GRPEL2: variants seen among roughly 807,000 people sequenced by gnomAD.
GRPEL2 encodes grpE protein homolog 2, mitochondrial.
GRPEL2 carries 18 observed loss-of-function variants against 25.9 expected under a neutral mutation model. That is an observed-to-expected ratio of 0.70 (90% CI 0.48 to 1.03). The LOEUF (loss-of-function observed/expected upper bound fraction) is 1.03, where lower values mean the gene tolerates loss of function less well. GRPEL2 is among the 50% of genes least tolerant of loss of function. GRPEL2 has a pLI of 0.00. For synonymous variants in GRPEL2, 106 were observed against 107.9 expected, an observed-to-expected ratio of 0.98 and a Z score of 0.11; for missense variants, 247 against 276.2, an observed-to-expected ratio of 0.89 and a Z score of 0.75.
intron 2 of GRPEL2, among the ~76,000 whole-genome samples, chr5:149,349,121 G>A (rs1367665908): frequency 1.3e-5 from 2 of 151,818 alleles, no homozygotes; most frequent in East Asian, 3.9e-4. Context: ...TCAGCCTCCC[G>A]AATAGCTGGG....
chr5:149,353,910 C>T lies in GRPEL2; in HGVS notation c.*2628C>T, dbSNP rs1641400468. 1 of 152,144 alleles carries T rather than the reference C, an allele frequency of 6.6e-6. No homozygotes were observed. The highest frequency in any genetic ancestry group is 1.5e-5 in the Non-Finnish European group (1 of 68,026). 9.4% of individuals were successfully genotyped at this position (152,144 alleles called of 1,614,324 possible). On this transcript the variant is annotated 3_prime_UTR_variant, in exon 4 of 4. Coordinates refer to ENST00000329271, the MANE Select transcript of GRPEL2 (RefSeq NM_152407.4). ...GCACCAGTGATTTCACCCTTCTGAGCCTGTTTCTTTATTCGTAAAATGATT... is the reference window on the plus strand; with the variant it reads ...GCACCAGTGATTTCACCCTTCTGAGTCTGTTTCTTTATTCGTAAAATGATT...
intron 2 of GRPEL2, 101 bp downstream of exon 2, chr5:149,348,526 G>A: frequency 1.0e-6 from 1 of 959,004 alleles, no homozygotes; most frequent in Non-Finnish European, 1.5e-6. Flanking sequence ...TCTTTAATTG[G>A]CTCTTTATCT....
At chr5:149,349,511 A>T in intron 2 of GRPEL2, 143 bp from the exon 3 acceptor site, 1 of 616,066 alleles carries the variant, frequency 1.6e-6, no homozygotes, top group Non-Finnish European at 2.8e-6. Flanking sequence ...GATTTGGAGT[A>T]GCTGATCTAA....
At chr5:149,350,892 A>G in intron 3 of GRPEL2, 26 bp from the exon 4 acceptor site, 1 of 1,607,282 alleles carries the variant, frequency 6.2e-7, no homozygotes, top group Non-Finnish European at 8.5e-7. Flanking sequence ...CCTCACAAAC[A>G]ATAAAAATAA....
rs1307172711 is a variant in GRPEL2 at position 149,352,219 on chromosome 5, A to G, written c.*937A>G. 6.6e-6 allele frequency: 1 copy of G among 152,058 alleles called. No homozygotes were observed. The highest frequency in any genetic ancestry group is 1.5e-5 in the Non-Finnish European group (1 of 68,010). 9.4% of individuals were successfully genotyped at this position (152,058 alleles called of 1,614,324 possible). On this transcript the variant is annotated 3_prime_UTR_variant, in exon 4 of 4. Transcript: ENST00000329271. ...CCATGATTTCTCATTTCATTTATTA[A>G]TAGTTAATGCTGAATTTTTTTTTAA...
intron 2 of GRPEL2, among the ~76,000 whole-genome samples, chr5:149,349,364 G>T (rs1757742194): frequency 6.6e-6 from 1 of 152,194 alleles, no homozygotes; most frequent in South Asian, 2.1e-4. Context: ...GAAGTTGGAG[G>T]TTGGCAGTGT....
intron 1 of GRPEL2, among the ~76,000 whole-genome samples, chr5:149,346,599 G>A (rs2438490): frequency 0.52 from 79,267 of 151,540 alleles, 21,386 homozygotes; most frequent in African/African-American, 0.66. Context: ...GTTCCTTCTG[G>A]TAAGCTGTCT....
rs1757771107 is a variant in GRPEL2, at chr5:149,351,272, GA to G, written c.670del (p.Arg224AspfsTer24). ...ARVEVAVESQ[R>X]RL is the part of the protein sequence containing the mutation. ...GTGGAAGTGGCAGTGGAGTCTCAGAGAAGACTGTGAAGAGGCCATCAGGAAC... is the reference window on the plus strand; with the variant it reads ...GTGGAAGTGGCAGTGGAGTCTCAGAGAGACTGTGAAGAGGCCATCAGGAAC... On this transcript the variant is annotated frameshift_variant, in exon 4 of 4. Coordinates refer to ENST00000329271, the MANE Select transcript of GRPEL2 (RefSeq NM_152407.4). LOFTEE classifies it high-confidence loss of function. The G allele has an allele frequency of 6.2e-7, 1 of 1,606,374 alleles. No homozygotes were observed. The highest frequency in any genetic ancestry group is 1.3e-5 in the African/African-American group (1 of 74,914).
At chr5:149,346,985 A>G (rs1195665154) in intron 1 of GRPEL2, among the ~76,000 whole-genome samples, 4 of 152,008 alleles carry the variant, frequency 2.6e-5, no homozygotes, top group African/African-American at 4.8e-5. Flanking sequence ...TCGGCCTCCC[A>G]AAGTGCTGGG....
intron 1 of GRPEL2, among the ~76,000 whole-genome samples, chr5:149,346,813 C>T (rs1220333853): frequency 7.3e-6 from 1 of 137,346 alleles, no homozygotes; most frequent in Non-Finnish European, 1.5e-5. Context: ...TCTCGGCTCA[C>T]TGCAAGCTCC....
chr5:149,348,925 G>A (rs759290859), intron 2 of GRPEL2, among the ~76,000 whole-genome samples: 4 of 151,936 alleles, frequency 2.6e-5, no homozygotes, highest in Non-Finnish European at 4.4e-5. Context: ...AAAGAACCAC[G>A]AATTGTCTTA....
At chr5:149,346,848 C>G (rs1757698758) in intron 1 of GRPEL2, among the ~76,000 whole-genome samples, 1 of 149,034 alleles carries the variant, frequency 6.7e-6, no homozygotes, top group African/African-American at 2.5e-5. Context: ...CGCCATTCTC[C>G]TGCCTCAGCC....
At chr5:149,350,063 G>A (rs1228995956) in intron 3 of GRPEL2, among the ~76,000 whole-genome samples, 1 of 151,966 alleles carries the variant, frequency 6.6e-6, no homozygotes, top group Non-Finnish European at 1.5e-5. Context: ...AATGAAAAAT[G>A]TCTTTGACTT....
rs1191721618 is a variant in GRPEL2, at chr5:149,353,078, AAGAC to A, written c.*1799_*1802del. 1 of 152,656 alleles carries A rather than the reference AAGAC, an allele frequency of 6.6e-6. No individual in the cohort carries two copies. Among genetic ancestry groups the A allele is most frequent in the Non-Finnish European group, 1.5e-5 (1 of 68,050 alleles). The allele number at this position is 152,656 out of a possible 1,614,324, so 9.5% of individuals were successfully genotyped here. The stretch of plus-strand genomic sequence containing the variant: ...CCTCTTATACATTATAGATAATTCT[AAGAC>A]AGCACACAAACTTATCAATAAAGCC... On this transcript the variant is annotated 3_prime_UTR_variant, in exon 4 of 4. Transcript: ENST00000329271.
At position 149,348,262 on chromosome 5, in the gene GRPEL2, C is replaced by T. The variant is rs761468153; in HGVS notation, c.78-10C>T. ...TTTCTTCATTATGTGCCACCTCCTT[C>T]CTGTTTTAGGGGATGGCCGCTTCCA... On this transcript the variant is annotated splice_polypyrimidine_tract_variant and intron_variant, in intron 1 of 3. Transcript: ENST00000329271. The T allele has an allele frequency of 1.3e-6, 2 of 1,582,412 alleles. No homozygotes were observed. Among genetic ancestry groups the T allele is most frequent in the Non-Finnish European group, 1.7e-6 (2 of 1,170,598 alleles).
Position 149,352,831 on chromosome 5 carries a change from A to G in GRPEL2, c.*1549A>G, listed in dbSNP as rs1383482966. On this transcript the variant is annotated 3_prime_UTR_variant, in exon 4 of 4. Coordinates refer to ENST00000329271, the MANE Select transcript of GRPEL2 (RefSeq NM_152407.4). Reference sequence around the variant, plus strand: ...CTATTGACTAAATTCCAGTGAGAGTATGAATGAAGAACAACTAGATATTAA... The same window carrying G: ...CTATTGACTAAATTCCAGTGAGAGTGTGAATGAAGAACAACTAGATATTAA... 1 of 152,240 alleles carries G rather than the reference A, an allele frequency of 6.6e-6. No individual in the cohort carries two copies. The highest frequency in any genetic ancestry group is 6.5e-5 in the Admixed American group (1 of 15,286). The allele number at this position is 152,240 out of a possible 1,614,324, so 9.4% of individuals were successfully genotyped here.
In GRPEL2 at chr5:149,348,332, T is replaced by C; in HGVS notation, c.138T>C (p.Ser46=). 1 of 1,613,336 alleles carries C rather than the reference T, an allele frequency of 6.2e-7. No homozygotes were observed. The highest frequency in any genetic ancestry group is 8.5e-7 in the Non-Finnish European group (1 of 1,179,884). Residue 46 remains serine, a synonymous_variant, in exon 2 of 4, where the codon TCT becomes TCC. Coordinates refer to ENST00000329271, the MANE Select transcript of GRPEL2 (RefSeq NM_152407.4). ...GAACTGCTGGTGAGGACTGCCGTTC[T>C]GAGGACCCTCCTGATGAGCTTGGGC... ...TQRTAGEDCR[S]EDPPDELGPP... is the part of the protein sequence containing the mutation.
At chr5:149,348,564 T>G (rs1201876121) in intron 2 of GRPEL2, 139 bp downstream of exon 2, 1 of 661,862 alleles carries the variant, frequency 1.5e-6, no homozygotes, top group Non-Finnish European at 2.5e-6. Flanking sequence ...CTCCACTCCT[T>G]GCTAGGTATA....
rs1362277741 is a variant in GRPEL2 at position 149,351,070 on chromosome 5, A to G, written c.466A>G (p.Ser156Gly). 3.1e-6 allele frequency: 5 copies of G among 1,614,240 alleles called. No homozygotes were observed. The highest frequency in any genetic ancestry group is 3.4e-6 in the Non-Finnish European group (4 of 1,180,042). Reference protein sequence around the residue: ...GLLLLEAKLKSVFAKHGLEKL... With the variant: ...GLLLLEAKLKGVFAKHGLEKL... ...GTTGCTTTTAGAAGCAAAGCTGAAAAGTGTGTTTGCCAAGCATGGCCTGGA... is the reference window on the plus strand; with the variant it reads ...GTTGCTTTTAGAAGCAAAGCTGAAAGGTGTGTTTGCCAAGCATGGCCTGGA... The change falls in exon 4 of 4, where the codon AGT (serine) becomes GGT (glycine). Residue 156 changes from serine to glycine, a missense_variant. Physicochemically the swap from Ser to Gly is moderately conservative, Grantham distance 56 (BLOSUM62 0). Coordinates refer to ENST00000329271, the MANE Select transcript of GRPEL2 (RefSeq NM_152407.4).
Sources: gnomAD v4.1 joint callset for allele counts (sites outside exome capture counted in the v4.1 genomes callset) on GRCh38, gnomAD v4.1.1 for gene constraint, MANE v1.5 for transcripts, NCBI Gene and HGNC (gene_info 2026-07-23, HGNC 2026-07-21) for gene names.